The following GOLGB1 variants were observed in gnomAD, a reference collection of about 807,000 sequenced individuals.
GOLGB1 encodes golgin B1.
GOLGB1 carries 174 observed loss-of-function variants against 336.9 expected under a neutral mutation model. The ratio of observed to expected loss-of-function variants is 0.52; its 90% CI spans 0.46 to 0.59. The LOEUF (loss-of-function observed/expected upper bound fraction) is 0.59, where lower values mean the gene tolerates loss of function less well. Among genes scored for constraint, GOLGB1 ranks in the 20% least tolerant of loss-of-function variants. The probability of loss-of-function intolerance (pLI) is 0.00; values close to 1 mark genes in which losing one functional copy is unlikely to be tolerated. For synonymous variants in GOLGB1, 1,208 were observed against 1,289.2 expected (o/e 0.94, Z 1.35); for missense variants, 3,331 against 3,645.3 (o/e 0.91, Z 2.22).
chr3:121,733,981 G>T (rs1946300399), intron 1 of GOLGB1, among the ~76,000 whole-genome samples: 1 of 152,058 alleles, frequency 6.6e-6, no homozygotes, highest in Non-Finnish European at 1.5e-5. Context: ...CGCTGAATTT[G>T]GCAATGAGCT....
At chr3:121,720,795 T>C (rs571891935) in intron 6 of GOLGB1, among the ~76,000 whole-genome samples, 5 of 152,198 alleles carry the variant, frequency 3.3e-5, no homozygotes, top group Non-Finnish European at 5.9e-5. Flanking sequence ...CCGTTCCCCA[T>C]CACTGAAATA....
Position 121,695,374 on chromosome 3 carries a change from C to T in GOLGB1, c.5149G>A (p.Glu1717Lys). Residue 1717 changes from glutamate to lysine, a missense_variant, in exon 13 of 22, where the codon GAG becomes AAG. Glu to Lys is a moderately conservative substitution (Grantham distance 56, BLOSUM62 1). Transcript: ENST00000614479. ...EVHPAGDTAK[E>K]CMETLLSSNA... is the part of the protein sequence containing the mutation. ...GAAGAAAGAAGTGTTTCCATACACT[C>T]TTTAGCTGTATCTCCTGCAGGGTGC... 2 of 1,614,000 alleles carry T rather than the reference C, an allele frequency of 1.2e-6. No homozygotes were observed. Among genetic ancestry groups the T allele is most frequent in the Non-Finnish European group, 1.7e-6 (2 of 1,179,916 alleles).
chr3:121,692,601 A>G lies in GOLGB1; in HGVS notation c.6783-20T>C, dbSNP rs1039606886. 1 of 1,418,230 alleles carries G rather than the reference A, an allele frequency of 7.1e-7. No individual in the cohort carries two copies. Among genetic ancestry groups the G allele is most frequent in the Non-Finnish European group, 9.6e-7 (1 of 1,043,882 alleles). The allele number at this position is 1,418,230 out of a possible 1,614,324, so 87.9% of individuals were successfully genotyped here. A position where few individuals can be genotyped will look rare whatever the true frequency, so the allele number is the denominator to read the frequency against. ...TCAAGCCTGAAACAGAGAGAAGGTC[A>G]TTAGTTACAGATTTCAAGAAAAAAA... is the stretch of plus-strand genomic sequence containing the variant. On this transcript the variant is annotated intron_variant, in intron 13 of 21. Coordinates refer to ENST00000614479, the MANE Select transcript of GOLGB1 (RefSeq NM_001366282.2).
Position 121,681,671 on chromosome 3 carries a change from G to T in GOLGB1, c.8873+16C>A. The T allele has an allele frequency of 2.0e-6, 3 of 1,512,938 alleles. No individual in the cohort carries two copies. Among genetic ancestry groups the T allele is most frequent in the South Asian group, 1.2e-5 (1 of 83,146 alleles). 93.7% of individuals were successfully genotyped at this position (1,512,938 alleles called of 1,614,324 possible). A position where few individuals can be genotyped will look rare whatever the true frequency, so the allele number is the denominator to read the frequency against. Reference sequence around the variant, plus strand: ...TAAAATGAAAAGAGTTGAAAAGGAGGGATTATATATAGTACCTGAGCTGAT... The same window carrying T: ...TAAAATGAAAAGAGTTGAAAAGGAGTGATTATATATAGTACCTGAGCTGAT... On this transcript the variant is annotated intron_variant, in intron 15 of 21. Coordinates refer to ENST00000614479, the MANE Select transcript of GOLGB1 (RefSeq NM_001366282.2).
At chr3:121,670,099 A>G (rs1939271466) in intron 17 of GOLGB1, among the ~76,000 whole-genome samples, 1 of 152,204 alleles carries the variant, frequency 6.6e-6, no homozygotes, top group Non-Finnish European at 1.5e-5. Flanking sequence ...TCATTTTTAT[A>G]TTGAATGAAA....
intron 6 of GOLGB1, 107 bp downstream of exon 6, chr3:121,722,155 T>A: frequency 1.4e-6 from 1 of 694,702 alleles, no homozygotes; most frequent in East Asian, 2.5e-5. Context: ...CCCATGCTAC[T>A]ATACTTTTAT....
chr3:121,733,197 C>A (rs1946238234), intron 1 of GOLGB1, among the ~76,000 whole-genome samples: 6 of 150,512 alleles, frequency 4.0e-5, no homozygotes, highest in Admixed American at 4.0e-4. Context: ...GTTGTGGGTG[C>A]CTGTAGTCCC....
intron 17 of GOLGB1, among the ~76,000 whole-genome samples, chr3:121,674,825 C>CTTTTTTTTTTTTTTTTTTTTTTTTT (rs891603400): frequency 8.3e-6 from 1 of 121,040 alleles, no homozygotes; most frequent in Non-Finnish European, 1.7e-5. Flanking sequence ...AGGTGCCTTT[C>CTTTTTTTTTTTTTTTTTTTTTTTTT]TTTTTTTTTT....
chr3:121,698,838 T>C lies in GOLGB1; in HGVS notation c.1685A>G (p.Lys562Arg), dbSNP rs902454110. 5 of 1,612,364 alleles carry C rather than the reference T, an allele frequency of 3.1e-6. No homozygotes were observed. Among genetic ancestry groups the C allele is most frequent in the Non-Finnish European group, 4.2e-6 (5 of 1,178,790 alleles). Residue 562 changes from lysine to arginine, a missense_variant, in exon 13 of 22, where the codon AAA becomes AGA. Transcript: ENST00000614479. Reference protein sequence around the residue: ...VLENTFSQKHKELSVLLLEMK... With the variant: ...VLENTFSQKHRELSVLLLEMK... ...TTCCAACAATAAAACTGATAATTCT[T>C]TATGTTTCTGAGAAAATGTGTTTTC... is the stretch of plus-strand genomic sequence containing the variant.
At chr3:121,701,476 T>C (rs141314390) in intron 11 of GOLGB1, among the ~76,000 whole-genome samples, 75 of 152,266 alleles carry the variant, frequency 4.9e-4, no homozygotes, top group African/African-American at 1.8e-3. Context: ...ATACTGGCTC[T>C]AGAGTTTAAT....
rs1487281206 is a variant in GOLGB1, at chr3:121,698,470, G to A, written c.2053C>T (p.Gln685Ter). ...CTTTCCAACTCATCCTGATGACACTGACCAATATCTGGTACAGCAGAAAGG... is the reference window on the plus strand; with the variant it reads ...CTTTCCAACTCATCCTGATGACACTAACCAATATCTGGTACAGCAGAAAGG... ...KSLSAVPDIG[Q>*]CHQDELERLK... Residue 685 changes from glutamine (Q) to a stop codon, truncating the protein, a stop_gained, in exon 13 of 22, where the codon CAG becomes TAG. Coordinates refer to ENST00000614479, the MANE Select transcript of GOLGB1 (RefSeq NM_001366282.2). LOFTEE classifies it high-confidence loss of function. 17 of 1,613,686 alleles carry A rather than the reference G, an allele frequency of 1.1e-5. No homozygotes were observed. Among genetic ancestry groups the A allele is most frequent in the Non-Finnish European group, 1.4e-5 (16 of 1,179,728 alleles).
intron 6 of GOLGB1, among the ~76,000 whole-genome samples, chr3:121,720,095 T>A (rs1022734126): frequency 6.6e-6 from 1 of 152,214 alleles, no homozygotes; most frequent in African/African-American, 2.4e-5. Context: ...ATTAAACACA[T>A]AAGGTGAAGT....
chr3:121,720,349 T>G (rs541403884), intron 6 of GOLGB1, among the ~76,000 whole-genome samples: 1 of 152,354 alleles, frequency 6.6e-6, no homozygotes, highest in East Asian at 1.9e-4. Context: ...TGTCATTACT[T>G]GCAGCCTTCT....
intron 17 of GOLGB1, among the ~76,000 whole-genome samples, chr3:121,673,132 C>T (rs1253496330): frequency 6.6e-6 from 1 of 150,948 alleles, no homozygotes; most frequent in Non-Finnish European, 1.5e-5. Context: ...TGCAGTGGCG[C>T]GATCTCGGCT....
rs1466461169 is a variant in GOLGB1, at chr3:121,677,355, T to C, written c.8969A>G (p.Gln2990Arg). The change falls in exon 16 of 22, where the codon CAG (glutamine) becomes CGG (arginine). Residue 2990 changes from glutamine to arginine, a missense_variant. By Grantham distance (43) the Gln-to-Arg change is conservative (BLOSUM62 1). Coordinates refer to ENST00000614479, the MANE Select transcript of GOLGB1 (RefSeq NM_001366282.2). ...AGACCTCAATTCCCTTATAAGATTC[T>C]GCAGATGACTGAGCTGCTGATCTTT... ...SDKDQQLSHL[Q>R]NLIRELRSSS... 6.2e-7 allele frequency: 1 copy of C among 1,607,282 alleles called. No individual in the cohort carries two copies. Among genetic ancestry groups the C allele is most frequent in the Non-Finnish European group, 8.5e-7 (1 of 1,173,684 alleles).
At chr3:121,714,716 G>GAA in intron 10 of GOLGB1, 145 bp downstream of exon 10, 1 of 634,560 alleles carries the variant, frequency 1.6e-6, no homozygotes, top group East Asian at 2.9e-5. Flanking sequence ...CTTTCAAATA[G>GAA]AATTGTCCTC....
Position 121,697,303 on chromosome 3 carries a change from T to C in GOLGB1, c.3220A>G (p.Lys1074Glu). Residue 1074 changes from lysine to glutamate, a missense_variant, in exon 13 of 22, where the codon AAA (lysine) becomes GAA (glutamate). By Grantham distance (56) the Lys-to-Glu change is moderately conservative. Transcript: ENST00000614479. The stretch of plus-strand genomic sequence containing the variant: ...CTTATATGCTGTAGTTCCACTTCTT[T>C]CTCAGATATTGTCTGTTTTAAATAA... The part of the protein sequence containing the change: ...EIYLKQTISE[K>E]EVELQHIRKD... 3.7e-6 allele frequency: 6 copies of C among 1,613,678 alleles called. No individual in the cohort carries two copies. Among genetic ancestry groups the C allele is most frequent in the Non-Finnish European group, 5.1e-6 (6 of 1,179,722 alleles).
At chr3:121,711,311 T>C (rs1221614766) in intron 10 of GOLGB1, among the ~76,000 whole-genome samples, 1 of 152,026 alleles carries the variant, frequency 6.6e-6, no homozygotes, top group Non-Finnish European at 1.5e-5. Flanking sequence ...AAGTTTATTT[T>C]AAAAATTAAG....
At chr3:121,666,749 G>T (rs1251970543) in intron 20 of GOLGB1, among the ~76,000 whole-genome samples, 1 of 152,148 alleles carries the variant, frequency 6.6e-6, no homozygotes, top group Non-Finnish European at 1.5e-5. Flanking sequence ...TAATAAAAGT[G>T]CCTGCTTTTA....
Sources: allele counts gnomAD v4.1 joint callset (sites outside exome capture counted in the v4.1 genomes callset), GRCh38; gene constraint gnomAD v4.1.1; transcripts MANE v1.5; gene names NCBI Gene and HGNC (gene_info 2026-07-23, HGNC 2026-07-21).